Variants in SQOR observed in about 807,000 individuals in gnomAD.
The protein encoded by SQOR is sulfide quinone oxidoreductase.
Under a neutral mutation model 48.6 loss-of-function variants are expected in SQOR, and 39 were observed. That is an observed-to-expected ratio of 0.80 (90% CI 0.62 to 1.05). The LOEUF (loss-of-function observed/expected upper bound fraction) is 1.05, where lower values mean the gene tolerates loss of function less well. SQOR is among the 50% of genes least tolerant of loss of function. The pLI is 0.00. For missense variants in SQOR, 561 were observed against 559.9 expected, an observed-to-expected ratio of 1.00 and a Z score of -0.02; for synonymous variants, 220 against 206.2, an observed-to-expected ratio of 1.07 and a Z score of -0.57.
chr15:45,685,850 T>A (rs570341545), intron 7 of SQOR, among the ~76,000 whole-genome samples: 1 of 152,224 alleles, frequency 6.6e-6, no homozygotes, highest in South Asian at 2.1e-4. Flanking sequence ...TTTTTTTTTG[T>A]TTTTTAGAGA....
At chr15:45,648,894 G>A (rs1431759504) in intron 1 of SQOR, among the ~76,000 whole-genome samples, 1 of 152,236 alleles carries the variant, frequency 6.6e-6, no homozygotes, top group Non-Finnish European at 1.5e-5. Flanking sequence ...TGTGGTTATT[G>A]AAACCCAAAG....
chr15:45,664,561 A>G (rs1254003876), intron 3 of SQOR, among the ~76,000 whole-genome samples: 2 of 152,196 alleles, frequency 1.3e-5, no homozygotes, highest in East Asian at 1.9e-4. Flanking sequence ...AGGTGCCTGG[A>G]AAGAAGGCAA....
Position 45,656,613 on chromosome 15 carries a change from T to C in SQOR, c.-17-2294T>C, listed in dbSNP as rs180998125. The stretch of plus-strand genomic sequence containing the variant: ...AGCCAATATTAATGTATGTGTATAG[T>C]AGAGACTTTTATAAAATACATAAAA... On this transcript the variant is annotated intron_variant, in intron 1 of 9. Transcript: ENST00000260324. 1.2e-3 allele frequency among the ~76,000 whole-genome samples: 187 copies of C among 151,860 alleles called. 1 individual carries two copies. The highest frequency in any genetic ancestry group is 1.9e-3 in the Non-Finnish European group (129 of 67,970).
At chr15:45,634,198 CTATATATATATATA>C (rs60889862), upstream of SQOR, among the ~76,000 whole-genome samples, 129 of 43,866 alleles carry the variant, frequency 2.9e-3, 11 homozygotes, top group African/African-American at 7.9e-3. Context: ...ACAACAACAA[CTATATATATATATA>C]TATATATATA....
intron 1 of SQOR, among the ~76,000 whole-genome samples, chr15:45,644,968 G>A (rs1424691975): frequency 6.6e-6 from 1 of 152,160 alleles, no homozygotes; most frequent in African/African-American, 2.4e-5. Context: ...CCATCTCTCA[G>A]AGTTAGCTAG....
intron 3 of SQOR, among the ~76,000 whole-genome samples, chr15:45,668,985 C>T (rs192590567): frequency 5.9e-5 from 9 of 152,102 alleles, no homozygotes; most frequent in African/African-American, 1.7e-4. Context: ...ATCAGGTACA[C>T]TATGTCATAG....
intron 1 of SQOR, among the ~76,000 whole-genome samples, chr15:45,638,925 T>G (rs972650013): frequency 2.0e-5 from 3 of 152,094 alleles, no homozygotes; most frequent in African/African-American, 7.2e-5. Flanking sequence ...GAAACCAGTC[T>G]CATCAGCACT....
At chr15:45,635,261 C>T (rs537248825) in intron 1 of SQOR, among the ~76,000 whole-genome samples, 153 bp downstream of exon 1, 9 of 152,228 alleles carry the variant, frequency 5.9e-5, no homozygotes, top group Non-Finnish European at 1.3e-4. Context: ...AACTTTGCTT[C>T]CTCAACTCCG....
chr15:45,676,341 A>AACGT, intron 6 of SQOR, 31 bp downstream of exon 6: 1 of 1,607,434 alleles, frequency 6.2e-7, no homozygotes, highest in Non-Finnish European at 8.5e-7. Flanking sequence ...GTCAGCATGA[A>AACGT]GCGTTGTCTG....
intron 1 of SQOR, among the ~76,000 whole-genome samples, chr15:45,651,400 C>G (rs535934529): frequency 6.6e-6 from 1 of 152,222 alleles, no homozygotes; most frequent in Non-Finnish European, 1.5e-5. Context: ...CCACACCTCC[C>G]TGCAAGCAGA....
chr15:45,644,873 A>AGAG (rs1178110978), intron 1 of SQOR, among the ~76,000 whole-genome samples: 1 of 152,212 alleles, frequency 6.6e-6, no homozygotes, highest in Non-Finnish European at 1.5e-5. Flanking sequence ...AAAGCCAAAT[A>AGAG]GAGGAGGTGG....
chr15:45,686,395 A>G (rs1890226018), intron 7 of SQOR, among the ~76,000 whole-genome samples: 4 of 151,856 alleles, frequency 2.6e-5, no homozygotes, highest in African/African-American at 9.7e-5. Context: ...CAAGTGATCC[A>G]CCCACCTCAG....
chr15:45,654,640 T>G (rs1889561411), intron 1 of SQOR, among the ~76,000 whole-genome samples: 1 of 152,074 alleles, frequency 6.6e-6, no homozygotes. Context: ...ATACCCATGG[T>G]TTATCGTGTT....
At chr15:45,674,075 T>G (rs1889992028) in intron 5 of SQOR, 3 of 419,630 alleles carry the variant, frequency 7.1e-6, no homozygotes, top group African/African-American at 2.0e-5. Flanking sequence ...ATAGTGTACA[T>G]GAAAAATTTA....
chr15:45,666,305 C>G (rs1275396458), intron 3 of SQOR, among the ~76,000 whole-genome samples: 5 of 152,152 alleles, frequency 3.3e-5, no homozygotes, highest in African/African-American at 1.2e-4. Flanking sequence ...TTATTTGTGT[C>G]ATTATCTGGT....
intron 1 of SQOR, among the ~76,000 whole-genome samples, chr15:45,636,378 A>G (rs1211641929): frequency 6.6e-6 from 1 of 151,770 alleles, no homozygotes; most frequent in African/African-American, 2.4e-5. Flanking sequence ...TACTTGTAAT[A>G]TAAGAAAATA....
At chr15:45,680,654 G>A (rs997237367) in intron 6 of SQOR, among the ~76,000 whole-genome samples, 3 of 151,774 alleles carry the variant, frequency 2.0e-5, no homozygotes, top group Admixed American at 6.6e-5. Context: ...GAGCTCAAGC[G>A]ATCTGCCCAC....
chr15:45,689,440 CAG>C (rs1890282399), intron 9 of SQOR: 2 of 340,568 alleles, frequency 5.9e-6, no homozygotes, highest in African/African-American at 2.3e-5. Context: ...TTTTTTGAGA[CAG>C]AGTCTTGCTC....
chr15:45,649,759 A>G (rs1889430659), intron 1 of SQOR, among the ~76,000 whole-genome samples: 1 of 152,190 alleles, frequency 6.6e-6, no homozygotes, highest in African/African-American at 2.4e-5. Flanking sequence ...CTGGAATTAC[A>G]GGCGTGAGCC....
Sources: gnomAD v4.1 joint callset for allele counts (sites outside exome capture counted in the v4.1 genomes callset) on GRCh38, gnomAD v4.1.1 for gene constraint, MANE v1.5 for transcripts, NCBI Gene and HGNC (gene_info 2026-07-23, HGNC 2026-07-21) for gene names.